The following NCKAP5 variants were observed in gnomAD, a reference collection of about 807,000 sequenced individuals.
NCKAP5 encodes nck-associated protein 5.
In NCKAP5, 92 loss-of-function variants were observed where a neutral mutation model predicts 167.0. That is an observed-to-expected ratio of 0.55 (90% CI 0.47 to 0.66). The LOEUF (loss-of-function observed/expected upper bound fraction) is 0.66. NCKAP5 is among the 30% of genes least tolerant of loss of function. NCKAP5 has a pLI of 0.00. For missense variants in NCKAP5, 2,378 were observed against 2,315.0 expected (o/e 1.03, Z -0.56); for synonymous variants, 891 against 877.4 (o/e 1.02, Z -0.27).
intron 17 of NCKAP5, among the ~76,000 whole-genome samples, chr2:132,731,466 G>T (rs1690998648): frequency 6.6e-6 from 1 of 152,180 alleles, no homozygotes; most frequent in Non-Finnish European, 1.5e-5. Context: ...ACAAGTGTAT[G>T]TTGCATGGCT....
At chr2:133,534,288 A>C (rs1685587311) in intron 2 of NCKAP5, among the ~76,000 whole-genome samples, 1 of 152,206 alleles carries the variant, frequency 6.6e-6, no homozygotes, top group Non-Finnish European at 1.5e-5. Context: ...ATTTTAAAAG[A>C]ATTTAATGCC....
chr2:132,700,068 C>T (rs1040354150), intron 19 of NCKAP5, among the ~76,000 whole-genome samples: 2 of 151,574 alleles, frequency 1.3e-5, no homozygotes, highest in African/African-American at 2.4e-5. Context: ...ATTTGCATTT[C>T]TCTGATGGCC....
chr2:133,436,246 G>C (rs1293961339), intron 3 of NCKAP5, among the ~76,000 whole-genome samples: 1 of 152,270 alleles, frequency 6.6e-6, no homozygotes, highest in South Asian at 2.1e-4. Flanking sequence ...AGGTAACGGG[G>C]AGTTTAAAAT....
intron 8 of NCKAP5, among the ~76,000 whole-genome samples, chr2:132,916,437 G>A (rs1193965827): frequency 6.6e-6 from 1 of 151,984 alleles, no homozygotes; most frequent in Non-Finnish European, 1.5e-5. Flanking sequence ...AAGTGGAAAG[G>A]TTCCACTGTG....
chr2:133,201,961 C>T (rs2085712540), intron 5 of NCKAP5, among the ~76,000 whole-genome samples: 2 of 152,138 alleles, frequency 1.3e-5, no homozygotes, highest in Non-Finnish European at 1.5e-5. Flanking sequence ...CCATACTGCC[C>T]AAGGTAATTT....
intron 4 of NCKAP5, among the ~76,000 whole-genome samples, chr2:133,243,116 A>G (rs2150307341): frequency 6.6e-6 from 1 of 152,262 alleles, no homozygotes; most frequent in Non-Finnish European, 1.5e-5. Flanking sequence ...ATATTTTTTA[A>G]AAAGGCTAGG....
intron 3 of NCKAP5, among the ~76,000 whole-genome samples, chr2:133,318,298 T>C (rs1471037715): frequency 1.3e-5 from 2 of 152,204 alleles, no homozygotes; most frequent in Admixed American, 6.5e-5. Context: ...TATACTTCTC[T>C]TTTTTCCAAT....
intron 3 of NCKAP5, among the ~76,000 whole-genome samples, chr2:133,342,164 C>T (rs1220127056): frequency 2.0e-5 from 3 of 152,120 alleles, no homozygotes; most frequent in African/African-American, 7.2e-5. Flanking sequence ...TGGTCTCGAT[C>T]TCCTGACCTC....
chr2:133,344,843 C>A (rs1683852946), intron 3 of NCKAP5, among the ~76,000 whole-genome samples: 2 of 151,948 alleles, frequency 1.3e-5, no homozygotes, highest in South Asian at 4.1e-4. Context: ...CTGTTTGGGT[C>A]ATTTTAGGTT....
intron 2 of NCKAP5, among the ~76,000 whole-genome samples, chr2:133,517,860 G>T (rs991134955): frequency 1.3e-5 from 2 of 152,110 alleles, no homozygotes; most frequent in Non-Finnish European, 2.9e-5. Context: ...AAAGCAAACA[G>T]TCCGTTTCAT....
At chr2:133,644,836 G>T in the NCKAP5 span, among the ~76,000 whole-genome samples, 3 of 152,140 alleles carry the variant, frequency 2.0e-5, no homozygotes, top group East Asian at 3.9e-4. Flanking sequence ...TTTAACATTT[G>T]TTATATGACT....
chr2:133,414,226 A>C (rs777484183), intron 3 of NCKAP5, among the ~76,000 whole-genome samples: 4 of 152,246 alleles, frequency 2.6e-5, no homozygotes, highest in Non-Finnish European at 4.4e-5. Context: ...AAGGTCCAAT[A>C]TACCAAAATT....
At chr2:133,118,689 A>T (rs2082159677) in intron 6 of NCKAP5, 1 of 152,186 alleles carries the variant, frequency 6.6e-6, no homozygotes, top group African/African-American at 2.4e-5. Context: ...AAAAGGCATC[A>T]GGGAGATGGT....
In NCKAP5 at chr2:132,868,945, A is replaced by G. The variant is rs1690577763; in HGVS notation, c.678T>C (p.Leu226=). 6.5e-7 allele frequency: 1 copy of G among 1,548,320 alleles called. No homozygotes were observed. The highest frequency in any genetic ancestry group is 8.7e-7 in the Non-Finnish European group (1 of 1,146,986). ...TCAGAAAGTGACCTACCTTTTGAGTAAGCAGAGCTTGAACAACTTGGTTGG... is the reference window on the plus strand; with the variant it reads ...TCAGAAAGTGACCTACCTTTTGAGTGAGCAGAGCTTGAACAACTTGGTTGG... The part of the protein sequence containing the change: ...EVANQVVQAL[L]TQKDLREECV... Residue 226 remains leucine (L), a synonymous_variant, in exon 10 of 20, where the codon CTT becomes CTC. Transcript: ENST00000409261.
At chr2:132,943,228 C>T (rs1697434040) in intron 8 of NCKAP5, among the ~76,000 whole-genome samples, 2 of 152,198 alleles carry the variant, frequency 1.3e-5, no homozygotes, top group Admixed American at 1.3e-4. Context: ...CAAGGCTTAA[C>T]CACTAATGAA....
chr2:133,239,297 G>A (rs764600821), intron 4 of NCKAP5, among the ~76,000 whole-genome samples: 8 of 152,114 alleles, frequency 5.3e-5, no homozygotes, highest in East Asian at 1.9e-4. Context: ...GAATAGCTCA[G>A]ACTGCAAAAT....
In NCKAP5 at chr2:132,725,661, T is replaced by C; in HGVS notation, c.5679A>G (p.Gly1893=). ...YGDNGFGAGR[G]QLVKALKSAA... is the part of the protein sequence containing the mutation. ...CGCTCTTCAGTGCTTTCACTAACTG[T>C]CCCCTTCCAGCTCCAAAACCATTAT... The change falls in exon 19 of 20, where the codon GGA becomes GGG. Residue 1893 remains glycine, a synonymous_variant. Transcript: ENST00000409261. 1 of 1,612,328 alleles carries C rather than the reference T, an allele frequency of 6.2e-7. No individual in the cohort carries two copies. The highest frequency in any genetic ancestry group is 8.5e-7 in the Non-Finnish European group (1 of 1,179,282).
intron 8 of NCKAP5, among the ~76,000 whole-genome samples, chr2:132,945,044 C>T (rs72994846): frequency 0.033 from 4,964 of 152,134 alleles, 262 homozygotes; most frequent in African/African-American, 0.11. Flanking sequence ...GAAAAGACTT[C>T]TAGGGAGCTT....
chr2:132,737,639 C>T (rs1691643926), intron 16 of NCKAP5, among the ~76,000 whole-genome samples: 1 of 152,150 alleles, frequency 6.6e-6, no homozygotes, highest in African/African-American at 2.4e-5. Context: ...TCCCAGCTGC[C>T]TCCGCTTCTG....
Sources: allele counts gnomAD v4.1 joint callset (sites outside exome capture counted in the v4.1 genomes callset), GRCh38; gene constraint gnomAD v4.1.1; transcripts MANE v1.5; gene names NCBI Gene and HGNC (gene_info 2026-07-23, HGNC 2026-07-21).